NPSR1: variants seen among roughly 807,000 people sequenced by gnomAD.
NPSR1 encodes neuropeptide S receptor.
Under a neutral mutation model 46.9 loss-of-function variants are expected in NPSR1, and 48 were observed. The ratio of observed to expected loss-of-function variants is 1.02; its 90% CI spans 0.81 to 1.30. The LOEUF is 1.30. Ranked by LOEUF, NPSR1 falls within the 50% of genes most tolerant of loss-of-function variation. The pLI, the probability that NPSR1 is intolerant of heterozygous loss-of-function variation, is 0.00. For synonymous variants in NPSR1, 176 were observed against 168.1 expected (o/e 1.05, Z -0.36); for missense variants, 450 against 449.5 (o/e 1.00, Z -0.01).
intron 5 of NPSR1, among the ~76,000 whole-genome samples, chr7:34,827,937 G>A (rs1194572167): frequency 6.6e-6 from 1 of 152,208 alleles, no homozygotes; most frequent in Non-Finnish European, 1.5e-5. Flanking sequence ...GAGTGATTAA[G>A]TAACTTATTC....
At chr7:34,857,563 A>G (rs1246237640) in intron 8 of NPSR1, among the ~76,000 whole-genome samples, 8 of 151,782 alleles carry the variant, frequency 5.3e-5, no homozygotes, top group African/African-American at 1.9e-4. Context: ...GAGAAAATTT[A>G]CTGAAAACCT....
chr7:34,770,184 T>A (rs901803346), intron 2 of NPSR1, among the ~76,000 whole-genome samples: 1 of 152,186 alleles, frequency 6.6e-6, no homozygotes, highest in Non-Finnish European at 1.5e-5. Context: ...TTTTTTAAAA[T>A]TAAGGAATCA....
chr7:34,748,878 C>CCT (rs772010349), intron 2 of NPSR1, among the ~76,000 whole-genome samples: 11 of 151,970 alleles, frequency 7.2e-5, no homozygotes, highest in Non-Finnish European at 1.3e-4. Context: ...TTCATCTTCC[C>CCT]CCCAGTACCT....
chr7:34,681,269 G>A (rs1792619599), intron 1 of NPSR1, among the ~76,000 whole-genome samples: 1 of 152,176 alleles, frequency 6.6e-6, no homozygotes, highest in Non-Finnish European at 1.5e-5. Context: ...CCTGGAGGAT[G>A]GTTCCAGCTG....
intron 2 of NPSR1, among the ~76,000 whole-genome samples, chr7:34,749,422 A>G (rs1785389008): frequency 6.6e-6 from 1 of 152,250 alleles, no homozygotes; most frequent in South Asian, 2.1e-4. Flanking sequence ...GGGAGCCTAT[A>G]ATGTTCCAAA....
chr7:34,737,547 T>C (rs1171336604), intron 2 of NPSR1, among the ~76,000 whole-genome samples: 1 of 152,200 alleles, frequency 6.6e-6, no homozygotes, highest in African/African-American at 2.4e-5. Context: ...TTAAGTACCC[T>C]TCAGTAACTT....
Position 34,790,945 on chromosome 7 carries a change from CAT to C in NPSR1, c.384+12385_384+12386del, listed in dbSNP as rs1455398668. On this transcript the variant is annotated intron_variant, in intron 3 of 8. Coordinates refer to ENST00000360581, the MANE Select transcript of NPSR1 (RefSeq NM_207172.2). The stretch of plus-strand genomic sequence containing the variant: ...ATATGTTATATGTTATATTATATAT[CAT>C]ATATGTTATATGTTATATTATATAT... Among the ~76,000 whole-genome samples, 35 of 96,712 alleles carry C rather than the reference CAT, an allele frequency of 3.6e-4. 1 individual carries two copies. The highest frequency in any genetic ancestry group is 8.6e-4 in the African/African-American group (19 of 22,118). The allele number at this position is 96,712 out of a possible 152,430, so 63.4% of individuals were successfully genotyped here.
intron 2 of NPSR1, among the ~76,000 whole-genome samples, chr7:34,765,285 T>C (rs1456329340): frequency 6.6e-6 from 1 of 152,198 alleles, no homozygotes; most frequent in Non-Finnish European, 1.5e-5. Flanking sequence ...TGCAACCCAC[T>C]GTTAACAGCC....
rs189285693 is a variant in NPSR1 at position 34,856,307 on chromosome 7, T to C, written c.1025+7644T>C. On this transcript the variant is annotated intron_variant, in intron 8 of 8. Transcript: ENST00000359791. ...CACAAGGTTTAATAAGGTTGCAGGA[T>C]ACAAAAATCAATATTATTTCCACAT... 1.6e-4 allele frequency among the ~76,000 whole-genome samples: 24 copies of C among 151,860 alleles called. 1 individual carries two copies. In the East Asian group the frequency reaches 4.4e-3, roughly 28 times the overall value.
chr7:34,688,508 A>T (rs1030827867), intron 2 of NPSR1, among the ~76,000 whole-genome samples: 18 of 152,162 alleles, frequency 1.2e-4, no homozygotes, highest in African/African-American at 4.3e-4. Context: ...GCTTGAGCAC[A>T]CAAAGAACTC....
At chr7:34,868,208 G>A (rs1190447389) in intron 8 of NPSR1, among the ~76,000 whole-genome samples, 1 of 151,660 alleles carries the variant, frequency 6.6e-6, no homozygotes, top group Non-Finnish European at 1.5e-5. Context: ...TTCAGCGATA[G>A]CCAAAAGTGA....
At chr7:34,740,312 G>C (rs1392599655) in intron 2 of NPSR1, among the ~76,000 whole-genome samples, 2 of 151,786 alleles carry the variant, frequency 1.3e-5, no homozygotes, top group East Asian at 1.9e-4. Flanking sequence ...CTGAGAACCT[G>C]TCCCAGGCTA....
chr7:34,670,479 A>G lies in NPSR1; in HGVS notation c.147+11920A>G, dbSNP rs368891022. The stretch of plus-strand genomic sequence containing the variant: ...TTTACAAAATAGCTAGAAAAATTAT[A>G]TAATGATGACACTAATTTCAGGACT... On this transcript the variant is annotated intron_variant, in intron 1 of 8. Coordinates refer to ENST00000360581, the MANE Select transcript of NPSR1 (RefSeq NM_207172.2). Among the ~76,000 whole-genome samples, 5 of 152,072 alleles carry G rather than the reference A, an allele frequency of 3.3e-5. No individual in the cohort carries two copies. The East Asian group carries it at 9.6e-4, about 29-fold the overall frequency.
At chr7:34,806,824 T>G (rs1395612890) in intron 3 of NPSR1, among the ~76,000 whole-genome samples, 2 of 152,162 alleles carry the variant, frequency 1.3e-5, no homozygotes, top group Non-Finnish European at 2.9e-5. Flanking sequence ...AAAGTCTATT[T>G]TCTTAAAGTC....
At chr7:34,663,818 C>A (rs1423378086) in intron 1 of NPSR1, among the ~76,000 whole-genome samples, 4 of 152,312 alleles carry the variant, frequency 2.6e-5, no homozygotes, top group African/African-American at 7.2e-5. Context: ...ACAGAAAAAA[C>A]CCATTTCTCT....
rs1406595178 is a variant in NPSR1 at position 34,658,238 on chromosome 7, C to T, written c.-175C>T. 4.7e-6 allele frequency: 3 copies of T among 638,500 alleles called. No homozygotes were observed. Among genetic ancestry groups the T allele is most frequent in the Non-Finnish European group, 2.7e-6 (1 of 373,788 alleles). 39.6% of individuals were successfully genotyped at this position (638,500 alleles called of 1,614,324 possible). A position where few individuals can be genotyped will look rare whatever the true frequency, so the allele number is the denominator to read the frequency against. The stretch of plus-strand genomic sequence containing the variant: ...CTGGTGGTAATTGCCAAGGAGAGAG[C>T]AGCACGTAGATCCTCCCTGTCATCA... On this transcript the variant is annotated 5_prime_UTR_variant, in exon 1 of 9. Coordinates refer to ENST00000360581, the MANE Select transcript of NPSR1 (RefSeq NM_207172.2).
At chr7:34,854,304 T>A (rs1176071702), downstream of NPSR1, among the ~76,000 whole-genome samples, 2 of 152,194 alleles carry the variant, frequency 1.3e-5, no homozygotes, top group South Asian at 2.1e-4. Flanking sequence ...GTGGTTTTTT[T>A]ATCCAAACTT....
At chr7:34,834,563 A>G (rs1790279881) in intron 6 of NPSR1, 103 bp downstream of exon 6, 3 of 847,740 alleles carry the variant, frequency 3.5e-6, no homozygotes, top group Non-Finnish European at 4.1e-6. Flanking sequence ...ACAAGCATAC[A>G]GGATCATATC....
chr7:34,860,822 T>C (rs905687357), intron 8 of NPSR1, among the ~76,000 whole-genome samples: 2 of 151,846 alleles, frequency 1.3e-5, no homozygotes, highest in African/African-American at 4.9e-5. Context: ...CCCAGGATTC[T>C]CAGACTTGGC....
Sources: gnomAD v4.1 joint callset for allele counts (sites outside exome capture counted in the v4.1 genomes callset) on GRCh38, gnomAD v4.1.1 for gene constraint, MANE v1.5 for transcripts, NCBI Gene and HGNC (gene_info 2026-07-23, HGNC 2026-07-21) for gene names.